Variants in ETAA1 observed in about 807,000 individuals in gnomAD.
ETAA1 encodes the protein ewing's tumor-associated antigen 1.
In ETAA1, 49 loss-of-function variants were observed where a neutral mutation model predicts 76.8. That is an observed-to-expected ratio of 0.64 (90% CI 0.51 to 0.81). The LOEUF is 0.81. Among genes scored for constraint, ETAA1 ranks in the 30% least tolerant of loss-of-function variants. ETAA1 has a pLI of 0.00. For missense variants in ETAA1, 1,099 were observed against 1,074.0 expected (o/e 1.02, Z -0.32); for synonymous variants, 373 against 372.2 (o/e 1.00, Z -0.03).
rs1558579156 is a variant in ETAA1 at position 67,399,619 on chromosome 2, C to T, written c.422C>T (p.Ala141Val). ...ATTTCACATATTGTTAATCGTATTGCTCCTCAGGTAAATATCACTAGTTTT... is the reference window on the plus strand; with the variant it reads ...ATTTCACATATTGTTAATCGTATTGTTCCTCAGGTAAATATCACTAGTTTT... The part of the protein sequence containing the change: ...DEISHIVNRI[A>V]PQDEKPTTNS... Residue 141 changes from alanine to valine, a missense_variant, in exon 3 of 6, where the codon GCT (alanine) becomes GTT (valine). Transcript: ENST00000272342. The T allele has an allele frequency of 1.2e-6, 2 of 1,601,176 alleles. No homozygotes were observed. Among genetic ancestry groups the T allele is most frequent in the Non-Finnish European group, 1.7e-6 (2 of 1,170,824 alleles).
chr2:67,403,908 A>G lies in ETAA1; in HGVS notation c.1226A>G (p.His409Arg), dbSNP rs1476886146. 1.2e-6 allele frequency: 2 copies of G among 1,612,900 alleles called. No individual in the cohort carries two copies. The highest frequency in any genetic ancestry group is 2.2e-5 in the East Asian group (1 of 44,860). ...MPELFPSKTAHVTDQKEICTF... is the reference protein window; with the variant it reads ...MPELFPSKTARVTDQKEICTF... ...GAACTCTTTCCTTCTAAAACAGCCC[A>G]TGTTACTGATCAAAAGGAAATTTGT... Residue 409 changes from histidine (H) to arginine (R), a missense_variant, in exon 5 of 6, where the codon CAT (histidine) becomes CGT (arginine). Coordinates refer to ENST00000272342, the MANE Select transcript of ETAA1 (RefSeq NM_019002.4).
chr2:67,399,309 T>C lies in ETAA1; in HGVS notation c.352+12T>C. 6.3e-7 allele frequency: 1 copy of C among 1,593,094 alleles called. No homozygotes were observed. The highest frequency in any genetic ancestry group is 8.6e-7 in the Non-Finnish European group (1 of 1,167,324). The stretch of plus-strand genomic sequence containing the variant: ...GACAAAGCAGTTAGGTAATTAATTA[T>C]TAACATTTTTTATGTGAGTAAATAT... On this transcript the variant is annotated intron_variant, in intron 2 of 5. Transcript: ENST00000272342.
At position 67,403,353 on chromosome 2, in the gene ETAA1, A is replaced by G; in HGVS notation, c.671A>G (p.Glu224Gly). ...TATGATTTTACCCAGATGATTTCAG[A>G]AACAGAGATTTTAAGTAATTATAAA... The part of the protein sequence containing the change: ...RNYDFTQMIS[E>G]TEILSNYKDN... Residue 224 changes from glutamate to glycine, a missense_variant, in exon 5 of 6, where the codon GAA becomes GGA. By Grantham distance (98) the Glu-to-Gly change is moderately conservative (BLOSUM62 -2). Around this residue, in one of 3 missense-constraint regions of ETAA1, gnomAD observed 761 missense variants for 731.9 expected, o/e 1.04. Transcript: ENST00000272342. 6.2e-7 allele frequency: 1 copy of G among 1,605,350 alleles called. No homozygotes were observed. Among genetic ancestry groups the G allele is most frequent in the Non-Finnish European group, 8.5e-7 (1 of 1,172,946 alleles).
rs1676055263 is a variant in ETAA1, at chr2:67,401,477, A to C, written c.430-1385A>C. ...AGATGGTATGTATCTTCATTTATAC[A>C]GCTTTGCACAGTATACTTTTTATAA... On this transcript the variant is annotated intron_variant, in intron 3 of 5. Transcript: ENST00000272342. 3 of 151,962 alleles carry C rather than the reference A, an allele frequency of 2.0e-5. No individual in the cohort carries two copies. In the South Asian group the frequency reaches 6.2e-4, roughly 31 times the overall value. 9.4% of individuals were successfully genotyped at this position (151,962 alleles called of 1,614,324 possible).
At position 67,405,259 on chromosome 2, in the gene ETAA1, C is replaced by T; in HGVS notation, c.2577C>T (p.Val859=). Residue 859 remains valine, a synonymous_variant, in exon 5 of 6, where the codon GTC becomes GTT. Coordinates refer to ENST00000272342, the MANE Select transcript of ETAA1 (RefSeq NM_019002.4). Reference sequence around the variant, plus strand: ...AGGGTGTGGAGAAAAAGAAAGGTGTCAACCCATTACTGGAGGAAGCTGTTG... The same window carrying T: ...AGGGTGTGGAGAAAAAGAAAGGTGTTAACCCATTACTGGAGGAAGCTGTTG... ...ITQGVEKKKG[V]NPLLEEAVGQ... 6.2e-7 allele frequency: 1 copy of T among 1,604,860 alleles called. No homozygotes were observed. Among genetic ancestry groups the T allele is most frequent in the Non-Finnish European group, 8.5e-7 (1 of 1,176,410 alleles).
Position 67,405,030 on chromosome 2 carries a change from T to A in ETAA1, c.2348T>A (p.Met783Lys), listed in dbSNP as rs201010502. 1 of 1,611,796 alleles carries A rather than the reference T, an allele frequency of 6.2e-7. No individual in the cohort carries two copies. Among genetic ancestry groups the A allele is most frequent in the African/African-American group, 1.3e-5 (1 of 74,936 alleles). ...AGTTTGAATGTAACTTCAGATCATA[T>A]GAATACAGAAATTACTACTTATAAG... ...SSSLNVTSDH[M>K]NTEITTYKKK... Residue 783 changes from methionine (M) to lysine (K), a missense_variant, in exon 5 of 6, where the codon ATG becomes AAG. Coordinates refer to ENST00000272342, the MANE Select transcript of ETAA1 (RefSeq NM_019002.4).
chr2:67,398,868 A>G (rs936258069), intron 1 of ETAA1, among the ~76,000 whole-genome samples: 1 of 152,194 alleles, frequency 6.6e-6, no homozygotes, highest in Admixed American at 6.5e-5. Context: ...TGGTTCCCCA[A>G]AGCCTCCAAG....
rs765470113 is a variant in ETAA1 at position 67,404,327 on chromosome 2, G to C, written c.1645G>C (p.Asp549His). Residue 549 changes from aspartate to histidine, a missense_variant, in exon 5 of 6, where the codon GAT (aspartate) becomes CAT (histidine). Around this residue, in one of 3 missense-constraint regions of ETAA1, gnomAD observed 761 missense variants for 731.9 expected, o/e 1.04. Transcript: ENST00000272342. ...NQSIKAPVNT[D>H]LFGSANLGSK... ...GTCTATTAAAGCCCCTGTTAATACT[G>C]ATCTTTTTGGCTCTGCAAATCTAGG... 45 of 1,612,900 alleles carry C rather than the reference G, an allele frequency of 2.8e-5. No individual in the cohort carries two copies. The highest frequency in any genetic ancestry group is 3.8e-5 in the Non-Finnish European group (45 of 1,179,380).
chr2:67,398,353 T>G (rs1675950946), intron 1 of ETAA1, among the ~76,000 whole-genome samples: 1 of 148,038 alleles, frequency 6.8e-6, no homozygotes, highest in Admixed American at 6.8e-5. Context: ...TTTTTTCTTT[T>G]GGGAAAGAAT....
chr2:67,409,497 T>G (rs1033617449), intron 5 of ETAA1, among the ~76,000 whole-genome samples: 1 of 151,988 alleles, frequency 6.6e-6, no homozygotes, highest in African/African-American at 2.4e-5. Context: ...TGTTTGAGAT[T>G]GATAACTAAT....
chr2:67,403,270 A>G lies in ETAA1; in HGVS notation c.588A>G (p.Lys196=). 1 of 1,591,254 alleles carries G rather than the reference A, an allele frequency of 6.3e-7. No individual in the cohort carries two copies. Among genetic ancestry groups the G allele is most frequent in the South Asian group, 1.1e-5 (1 of 87,490 alleles). The change falls in exon 5 of 6, where the codon AAA becomes AAG. Residue 196 remains lysine, a synonymous_variant. Coordinates refer to ENST00000272342, the MANE Select transcript of ETAA1 (RefSeq NM_019002.4). ...SQEEELMKLA[K]QFDKNMEELD... ...AAGAAGAACTTATGAAACTGGCTAA[A>G]CAATTTGATAAAAATATGGAAGAGC... is the stretch of plus-strand genomic sequence containing the variant.
intron 5 of ETAA1, among the ~76,000 whole-genome samples, chr2:67,405,717 A>G (rs963159017): frequency 1.3e-5 from 2 of 152,098 alleles, no homozygotes; most frequent in Non-Finnish European, 2.9e-5. Flanking sequence ...TAATCTGGGA[A>G]GCAGATGATG....
At chr2:67,397,768 G>C (rs368894042) in intron 1 of ETAA1, 97 bp downstream of exon 1, 1 of 1,232,244 alleles carries the variant, frequency 8.1e-7, no homozygotes, top group Non-Finnish European at 1.1e-6. Flanking sequence ...GGAGTCTGGA[G>C]CGTGTATTCT....
chr2:67,399,112 G>A (rs1402763390), intron 1 of ETAA1, 57 bp from the exon 2 acceptor site: 6 of 1,508,796 alleles, frequency 4.0e-6, no homozygotes, highest in Admixed American at 2.0e-5. Flanking sequence ...GGGGTCTTAC[G>A]AAGTAAGGTA....
In ETAA1 at chr2:67,409,901, G is replaced by T. The variant is rs1352954615; in HGVS notation, c.2654-10G>T. On this transcript the variant is annotated splice_polypyrimidine_tract_variant and intron_variant, in intron 5 of 5. Coordinates refer to ENST00000272342, the MANE Select transcript of ETAA1 (RefSeq NM_019002.4). ...ATAAAAGTAAAACTCATCTTTTGTT[G>T]AATTTTTAGAGGAAGAAGAGAAAAA... is the stretch of plus-strand genomic sequence containing the variant. The T allele has an allele frequency of 1.3e-6, 2 of 1,582,220 alleles. No individual in the cohort carries two copies. The highest frequency in any genetic ancestry group is 1.7e-6 in the Non-Finnish European group (2 of 1,170,568).
At position 67,397,551 on chromosome 2, in the gene ETAA1, A is replaced by G; in HGVS notation, c.103A>G (p.Arg35Gly). The G allele has an allele frequency of 6.3e-7, 1 of 1,576,736 alleles. No homozygotes were observed. Among genetic ancestry groups the G allele is most frequent in the Non-Finnish European group, 8.6e-7 (1 of 1,161,470 alleles). The change falls in exon 1 of 6, where the codon AGG (arginine) becomes GGG (glycine). Residue 35 changes from arginine (R) to glycine (G), a missense_variant. Around this residue, in one of 3 missense-constraint regions of ETAA1, gnomAD observed 761 missense variants for 731.9 expected, o/e 1.04. Transcript: ENST00000272342. ...ECGSVVEPGR[R>G]RLRSARGSWP... ...CGGCTCGGTGGTCGAGCCAGGGAGG[A>G]GGCGGCTGAGATCGGCCCGCGGTTC...
chr2:67,405,631 G>T (rs1224556596), intron 5 of ETAA1, among the ~76,000 whole-genome samples: 1 of 151,716 alleles, frequency 6.6e-6, no homozygotes, highest in Non-Finnish European at 1.5e-5. Context: ...ATTCTTTCTT[G>T]GAAAATCATA....
intron 4 of ETAA1, 66 bp downstream of exon 4, chr2:67,403,040 T>G: frequency 7.1e-7 from 1 of 1,398,672 alleles, no homozygotes; most frequent in South Asian, 1.4e-5. Flanking sequence ...AATACTCCAT[T>G]TTGGTTTTGT....
In ETAA1 at chr2:67,397,372, T is replaced by A; in HGVS notation, c.-77T>A. 6.9e-7 allele frequency: 1 copy of A among 1,445,288 alleles called. No individual in the cohort carries two copies. Among genetic ancestry groups the A allele is most frequent in the Non-Finnish European group, 9.5e-7 (1 of 1,052,382 alleles). The allele number at this position is 1,445,288 out of a possible 1,614,324, so 89.5% of individuals were successfully genotyped here. A position where few individuals can be genotyped will look rare whatever the true frequency, so the allele number is the denominator to read the frequency against. ...CGGCTGCCGTTGGTGCGGGGTGCGG[T>A]TTGTAGTGCTGTTGCCCTACTCATC... On this transcript the variant is annotated 5_prime_UTR_variant, in exon 1 of 6. Transcript: ENST00000272342.
Sources: allele counts gnomAD v4.1 joint callset (sites outside exome capture counted in the v4.1 genomes callset), GRCh38; gene constraint gnomAD v4.1.1; regional missense constraint gnomAD v4.1.1; transcripts MANE v1.5; gene names NCBI Gene and HGNC (gene_info 2026-07-23, HGNC 2026-07-21).